Variants in MDN1 observed in about 807,000 individuals in gnomAD.
MDN1 encodes midasin AAA ATPase 1, also known as midasin.
In MDN1, 266 loss-of-function variants were observed where a neutral mutation model predicts 669.2. The observed-to-expected ratio is 0.40, with a 90% CI of 0.36 to 0.44. MDN1 has a LOEUF of 0.44. Among genes scored for constraint, MDN1 ranks in the 20% least tolerant of loss-of-function variants. The pLI is 1.00. For missense variants in MDN1, 5,940 were observed against 6,754.0 expected (o/e 0.88, Z 4.22); for synonymous variants, 2,385 against 2,457.1 (o/e 0.97, Z 0.87).
chr6:89,762,703 C>G (rs894923491), intron 15 of MDN1, among the ~76,000 whole-genome samples, 173 bp from the exon 16 acceptor site: 1 of 152,106 alleles, frequency 6.6e-6, no homozygotes, highest in African/African-American at 2.4e-5. Context: ...TTTCCCCCAT[C>G]GCAAGCATTT....
Position 89,794,135 on chromosome 6 carries a change from T to C in MDN1, c.627A>G (p.Ile209Met), listed in dbSNP as rs2128327243. Residue 209 changes from isoleucine to methionine, a missense_variant, in exon 4 of 102, where the codon ATA becomes ATG. Physicochemically the swap from Ile to Met is conservative, Grantham distance 10 (BLOSUM62 1). Coordinates refer to ENST00000369393, the MANE Select transcript of MDN1 (RefSeq NM_014611.3). The part of the protein sequence containing the change: ...EEHKLSFLKK[I>M]FNSDELIHFR... ...AATGGATCAATTCATCACTATTAAA[T>C]ATCTTCTTAAGAAATGATAACTTGT... 1 of 1,603,686 alleles carries C rather than the reference T, an allele frequency of 6.2e-7. No individual in the cohort carries two copies. The highest frequency in any genetic ancestry group is 8.5e-7 in the Non-Finnish European group (1 of 1,176,286).
In MDN1 at chr6:89,790,205, G is replaced by C; in HGVS notation, c.1052C>G (p.Pro351Arg). ...YLAAVTGRTK[P>R]PQLLKVQLGD... ...AAGCTGGACTTTGAGAAGCTGAGGA[G>C]GCTTTGTTCTACCTGTCACTGCAGC... Residue 351 changes from proline (P) to arginine (R), a missense_variant, in exon 6 of 102, where the codon CCT becomes CGT. Around this residue, in one of 5 missense-constraint regions of MDN1, gnomAD observed 1,203 missense variants for 1,268.9 expected, o/e 0.95. Coordinates refer to ENST00000369393, the MANE Select transcript of MDN1 (RefSeq NM_014611.3). The C allele has an allele frequency of 6.2e-7, 1 of 1,614,140 alleles. No individual in the cohort carries two copies. Among genetic ancestry groups the C allele is most frequent in the Non-Finnish European group, 8.5e-7 (1 of 1,180,008 alleles).
intron 100 of MDN1, 82 bp downstream of exon 100, chr6:89,646,458 G>T: frequency 1.8e-6 from 2 of 1,112,578 alleles, no homozygotes; most frequent in Non-Finnish European, 1.4e-6. Flanking sequence ...CAGTGACGGG[G>T]ACACTGAGCT....
intron 7 of MDN1, among the ~76,000 whole-genome samples, chr6:89,788,440 T>C (rs978105553): frequency 1.3e-5 from 2 of 152,118 alleles, no homozygotes; most frequent in African/African-American, 4.8e-5. Context: ...GAAACAGAAA[T>C]GGTACATACA....
At chr6:89,765,339 A>C (rs1205680264) in intron 15 of MDN1, among the ~76,000 whole-genome samples, 1 of 152,202 alleles carries the variant, frequency 6.6e-6, no homozygotes, top group Non-Finnish European at 1.5e-5. Context: ...AAGACTATAA[A>C]AAGATTAGGA....
At chr6:89,799,954 C>A (rs1767522536) in intron 2 of MDN1, among the ~76,000 whole-genome samples, 1 of 152,026 alleles carries the variant, frequency 6.6e-6, no homozygotes, top group South Asian at 2.1e-4. Flanking sequence ...ATGGGAAAGT[C>A]CCTAAGGAGT....
chr6:89,699,095 G>A, intron 58 of MDN1, 60 bp from the exon 59 acceptor site: 2 of 1,433,744 alleles, frequency 1.4e-6, no homozygotes, highest in East Asian at 4.7e-5. Flanking sequence ...TAAATTATTA[G>A]GTCTTCTTTC....
intron 2 of MDN1, among the ~76,000 whole-genome samples, chr6:89,801,365 AAGTTAGGCCAGGCGC>A (rs370595439): frequency 2.0e-4 from 31 of 152,220 alleles, no homozygotes; most frequent in African/African-American, 7.5e-4. Flanking sequence ...AAAAATACAA[AAGTTAGGCCAGGCGC>A]AGTGGCTTAC....
Position 89,645,176 on chromosome 6 carries a change from G to T in MDN1, c.16460-19C>A, listed in dbSNP as rs190593008. The stretch of plus-strand genomic sequence containing the variant: ...GCAGTTTCTGTAGACCATATAAGAC[G>T]AAGCAAGGGAATAAAATGAACAGCC... On this transcript the variant is annotated intron_variant, in intron 100 of 101. Transcript: ENST00000369393. The T allele has an allele frequency of 7.7e-6, 12 of 1,567,050 alleles. No homozygotes were observed. Among genetic ancestry groups the T allele is most frequent in the Non-Finnish European group, 9.6e-6 (11 of 1,146,248 alleles).
In MDN1 at chr6:89,735,764, A is replaced by G. The variant is rs1051493475; in HGVS notation, c.4723+2562T>C. Among the ~76,000 whole-genome samples, 4 of 152,110 alleles carry G rather than the reference A, an allele frequency of 2.6e-5. No homozygotes were observed. The South Asian group carries it at 6.2e-4, about 24-fold the overall frequency. On this transcript the variant is annotated intron_variant, in intron 33 of 101. Transcript: ENST00000369393. ...CGGCCAGGCATGGTGGCTCACACCTATAATCCCAGCACTTTGGGAGGCCAA... is the reference window on the plus strand; with the variant it reads ...CGGCCAGGCATGGTGGCTCACACCTGTAATCCCAGCACTTTGGGAGGCCAA...
intron 11 of MDN1, among the ~76,000 whole-genome samples, chr6:89,778,752 G>C (rs918935444): frequency 3.3e-5 from 5 of 151,838 alleles, no homozygotes; most frequent in African/African-American, 1.2e-4. Context: ...TGGGTGTGGT[G>C]GTGGGCGCCT....
intron 27 of MDN1, among the ~76,000 whole-genome samples, chr6:89,746,401 G>T (rs910119922): frequency 1.1e-4 from 17 of 151,924 alleles, no homozygotes; most frequent in African/African-American, 3.9e-4. Context: ...TGGCCAACAT[G>T]GGAAACACCA....
chr6:89,683,998 T>G, intron 71 of MDN1, 94 bp from the exon 72 acceptor site: 1 of 932,648 alleles, frequency 1.1e-6, no homozygotes, highest in South Asian at 1.4e-5. Context: ...CAGAGCTCAC[T>G]CTATCCCAAA....
chr6:89,777,786 A>C (rs371487782), intron 11 of MDN1, among the ~76,000 whole-genome samples: 8 of 152,288 alleles, frequency 5.3e-5, no homozygotes, highest in Admixed American at 3.3e-4. Context: ...CTCAGTATAC[A>C]AGACCATTTT....
At chr6:89,728,856 A>T (rs1815397154) in intron 36 of MDN1, 75 bp downstream of exon 36, 1 of 1,430,208 alleles carries the variant, frequency 7.0e-7, no homozygotes, top group Non-Finnish European at 9.7e-7. Flanking sequence ...ATCATTTCTG[A>T]TTAGGCAAAT....
At position 89,794,015 on chromosome 6, in the gene MDN1, G is replaced by A. The variant is rs1185232396; in HGVS notation, c.663-61C>T. ...ACTCAGAAATGCTATCGCAAGACCT[G>A]CAGTCACCTCTGGCCTGTCACCCCC... On this transcript the variant is annotated intron_variant, in intron 4 of 101. Transcript: ENST00000369393. 6 of 1,448,866 alleles carry A rather than the reference G, an allele frequency of 4.1e-6. No individual in the cohort carries two copies. The African/African-American group carries it at 8.5e-5, about 21-fold the overall frequency. 89.8% of individuals were successfully genotyped at this position (1,448,866 alleles called of 1,614,324 possible). A position where few individuals can be genotyped will look rare whatever the true frequency, so the allele number is the denominator to read the frequency against.
chr6:89,698,118 C>G (rs1812894286), intron 59 of MDN1, among the ~76,000 whole-genome samples: 1 of 152,174 alleles, frequency 6.6e-6, no homozygotes, highest in Non-Finnish European at 1.5e-5. Flanking sequence ...CTGTGGTCAT[C>G]TAAGACTTCA....
intron 1 of MDN1, among the ~76,000 whole-genome samples, chr6:89,807,769 T>G (rs1768109460): frequency 6.6e-6 from 1 of 152,214 alleles, no homozygotes; most frequent in African/African-American, 2.4e-5. Flanking sequence ...TTTCCCACCC[T>G]GTCTGTTTAA....
At chr6:89,746,846 ACT>A (rs1816663218) in intron 27 of MDN1, among the ~76,000 whole-genome samples, 1 of 152,196 alleles carries the variant, frequency 6.6e-6, no homozygotes, top group African/African-American at 2.4e-5. Context: ...ATTCCAAAAC[ACT>A]GTGTATCCTA....
Sources: gnomAD v4.1 joint callset for allele counts (sites outside exome capture counted in the v4.1 genomes callset) on GRCh38, gnomAD v4.1.1 for gene constraint, gnomAD v4.1.1 regional missense constraint, MANE v1.5 for transcripts, NCBI Gene and HGNC (gene_info 2026-07-23, HGNC 2026-07-21) for gene names.